Variants in ASIC5 observed in about 807,000 individuals in gnomAD.
ASIC5 encodes acid sensing ion channel subunit family member 5.
ASIC5 carries 52 observed loss-of-function variants against 51.2 expected under a neutral mutation model. The observed-to-expected ratio is 1.02, with a 90% confidence interval of 0.81 to 1.28. The LOEUF is 1.28. Ranked by LOEUF, ASIC5 falls within the 50% of genes most tolerant of loss-of-function variation. The probability of loss-of-function intolerance (pLI) is 0.00; values close to 1 mark genes in which losing one functional copy is unlikely to be tolerated. For synonymous variants in ASIC5, 231 were observed against 200.7 expected (o/e 1.15, Z -1.28); for missense variants, 635 against 595.0 (o/e 1.07, Z -0.70).
intron 3 of ASIC5, among the ~76,000 whole-genome samples, chr4:155,852,980 T>C (rs1369615835): frequency 6.6e-6 from 1 of 151,998 alleles, no homozygotes; most frequent in Non-Finnish European, 1.5e-5. Flanking sequence ...AATTATGAGA[T>C]GGAAACAAAG....
intron 2 of ASIC5, among the ~76,000 whole-genome samples, chr4:155,860,263 T>C (rs946624199): frequency 6.6e-6 from 1 of 151,834 alleles, no homozygotes; most frequent in African/African-American, 2.4e-5. Context: ...ATAATACTTA[T>C]GTTTGTGATA....
At chr4:155,866,140 T>G in intron 1 of ASIC5, 47 bp downstream of exon 1, 1 of 1,295,732 alleles carries the variant, frequency 7.7e-7, no homozygotes, top group Non-Finnish European at 1.1e-6. Context: ...TTCTGGCCTC[T>G]AGAAATGAAA....
At chr4:155,835,370 G>GA (rs549970712) in intron 8 of ASIC5, among the ~76,000 whole-genome samples, 267 of 150,264 alleles carry the variant, frequency 1.8e-3, no homozygotes, top group Middle Eastern at 3.4e-3. Flanking sequence ...TTTGCAAGGG[G>GA]AATCAGAGAA....
chr4:155,846,815 G>T (rs191251337), intron 4 of ASIC5, among the ~76,000 whole-genome samples: 384 of 151,682 alleles, frequency 2.5e-3, no homozygotes, highest in Non-Finnish European at 4.3e-3. Flanking sequence ...CATTATGTGG[G>T]TATTTTCCAA....
chr4:155,840,437 AAT>A (rs1222413960), intron 6 of ASIC5, among the ~76,000 whole-genome samples: 1 of 147,306 alleles, frequency 6.8e-6, no homozygotes, highest in African/African-American at 2.5e-5. Context: ...TATTATATAT[AAT>A]ATAATATATA....
In ASIC5 at chr4:155,829,923, T is replaced by C; in HGVS notation, c.1451A>G (p.Glu484Gly). The change falls in exon 10 of 10, where the codon GAA becomes GGA. Residue 484 changes from glutamate to glycine, a missense_variant. Physicochemically the swap from Glu to Gly is moderately conservative, Grantham distance 98 (BLOSUM62 -2). Coordinates refer to ENST00000537611, the MANE Select transcript of ASIC5 (RefSeq NM_017419.3). ...ICIFFLLKIS[E>G]MTQWTPPPQN... is the part of the protein sequence containing the mutation. ...AGGTGGAGGAGTCCACTGGGTCATT[T>C]CAGATATCTTCAGCAAAAAGAAAAT... 6.2e-7 allele frequency: 1 copy of C among 1,608,044 alleles called. No homozygotes were observed. Among genetic ancestry groups the C allele is most frequent in the Non-Finnish European group, 8.5e-7 (1 of 1,177,728 alleles).
rs1190602451 is a variant in ASIC5, at chr4:155,829,967, G to T, written c.1407C>A (p.Thr469=). Residue 469 remains threonine, a synonymous_variant, in exon 10 of 10, where the codon ACC becomes ACA. Coordinates refer to ENST00000537611, the MANE Select transcript of ASIC5 (RefSeq NM_017419.3). ...TIIEIIEYLF[T]NFYWICIFFL... is the part of the protein sequence containing the mutation. ...AGAAAATGCATATCCAGTAGAAATT[G>T]GTGAATAGATATTCAATAATTTCTA... The T allele has an allele frequency of 6.2e-7, 1 of 1,601,526 alleles. No homozygotes were observed. The highest frequency in any genetic ancestry group is 1.3e-5 in the African/African-American group (1 of 74,532).
intron 6 of ASIC5, among the ~76,000 whole-genome samples, chr4:155,840,445 A>G (rs1355914736): frequency 6.8e-6 from 1 of 147,248 alleles, no homozygotes; most frequent in African/African-American, 2.5e-5. Context: ...ATAATATAAT[A>G]TATATTTTTT....
intron 9 of ASIC5, among the ~76,000 whole-genome samples, chr4:155,830,562 T>C (rs76177554): frequency 6.6e-6 from 1 of 152,174 alleles, no homozygotes; most frequent in Non-Finnish European, 1.5e-5. Context: ...TTATATTTAC[T>C]GTTTGTGCTT....
At chr4:155,841,614 C>T (rs113712863) in intron 6 of ASIC5, among the ~76,000 whole-genome samples, 1 of 152,170 alleles carries the variant, frequency 6.6e-6, no homozygotes, top group Non-Finnish European at 1.5e-5. Flanking sequence ...GTTAATTTTA[C>T]AGTCCCAAAG....
intron 1 of ASIC5, chr4:155,864,485 A>C (rs1287708609): frequency 6.6e-6 from 1 of 152,116 alleles, no homozygotes; most frequent in Non-Finnish European, 1.5e-5. Context: ...TATTTTGGTT[A>C]AATTTCTTTC....
chr4:155,866,258 G>C lies in ASIC5; in HGVS notation c.-32C>G. On this transcript the variant is annotated 5_prime_UTR_variant, in exon 1 of 10. Coordinates refer to ENST00000537611, the MANE Select transcript of ASIC5 (RefSeq NM_017419.3). Reference sequence around the variant, plus strand: ...TTTCAGTTAAGCAAGAGTCCTCAGGGTAACCCAATTTTCATCAATAACAGT... The same window carrying C: ...TTTCAGTTAAGCAAGAGTCCTCAGGCTAACCCAATTTTCATCAATAACAGT... 1 of 1,568,328 alleles carries C rather than the reference G, an allele frequency of 6.4e-7. No homozygotes were observed. Among genetic ancestry groups the C allele is most frequent in the Non-Finnish European group, 8.8e-7 (1 of 1,141,648 alleles).
chr4:155,839,678 G>A (rs566092692), intron 6 of ASIC5, among the ~76,000 whole-genome samples: 42 of 151,914 alleles, frequency 2.8e-4, no homozygotes, highest in African/African-American at 1.0e-3. Flanking sequence ...GGAATGTTTG[G>A]CTAACTGTAA....
At chr4:155,848,286 A>T (rs1334603019) in intron 4 of ASIC5, among the ~76,000 whole-genome samples, 1 of 152,092 alleles carries the variant, frequency 6.6e-6, no homozygotes, top group African/African-American at 2.4e-5. Context: ...TCTAAAATCA[A>T]ATTATAAATT....
Position 155,854,106 on chromosome 4 carries a change from C to T in ASIC5, c.556G>A (p.Glu186Lys). ...GGGCTACATGGCTTTCCAAAAAACT[C>T]ACAGTCCAACAAAGTGCTATTGTTG... Reference protein sequence around the residue: ...YLNNSTLLDCEFFGKPCSPKD... With the variant: ...YLNNSTLLDCKFFGKPCSPKD... The change falls in exon 3 of 10, where the codon GAG becomes AAG. Residue 186 changes from glutamate to lysine, a missense_variant. Glu to Lys is a moderately conservative substitution (Grantham distance 56). Transcript: ENST00000537611. 2 of 1,612,670 alleles carry T rather than the reference C, an allele frequency of 1.2e-6. No individual in the cohort carries two copies. The highest frequency in any genetic ancestry group is 1.1e-5 in the South Asian group (1 of 90,880).
chr4:155,844,338 C>CT (rs35811224), intron 4 of ASIC5, among the ~76,000 whole-genome samples: 5 of 151,966 alleles, frequency 3.3e-5, no homozygotes, highest in Admixed American at 6.6e-5. Context: ...AAAAAAACTC[C>CT]TTTTTTTGTG....
intron 9 of ASIC5, among the ~76,000 whole-genome samples, chr4:155,830,900 A>G (rs931887723): frequency 6.6e-6 from 1 of 152,146 alleles, no homozygotes; most frequent in Non-Finnish European, 1.5e-5. Context: ...CCGTTTTTGT[A>G]AAGTGTGATA....
At chr4:155,852,470 A>AG (rs1741405621) in intron 3 of ASIC5, among the ~76,000 whole-genome samples, 154 bp from the exon 4 acceptor site, 1 of 48,210 alleles carries the variant, frequency 2.1e-5, no homozygotes, top group Non-Finnish European at 4.5e-5. Context: ...ATTCAGTGAT[A>AG]GTTTTTTTTT....
At chr4:155,858,583 A>G (rs911657172) in intron 2 of ASIC5, among the ~76,000 whole-genome samples, 1 of 152,126 alleles carries the variant, frequency 6.6e-6, no homozygotes, top group Non-Finnish European at 1.5e-5. Flanking sequence ...ACCTGGGGAA[A>G]AGAAACAAAA....
Sources: allele counts gnomAD v4.1 joint callset (sites outside exome capture counted in the v4.1 genomes callset), GRCh38; gene constraint gnomAD v4.1.1; transcripts MANE v1.5; gene names NCBI Gene and HGNC (gene_info 2026-07-23, HGNC 2026-07-21).